GRM7: variants seen among roughly 807,000 people sequenced by gnomAD.
The protein encoded by GRM7 is metabotropic glutamate receptor 7.
In GRM7, 35 loss-of-function variants were observed where a neutral mutation model predicts 84.5. The ratio of observed to expected loss-of-function variants is 0.41; its 90% CI spans 0.32 to 0.55. GRM7 has a LOEUF of 0.55. Among genes scored for constraint, GRM7 ranks in the 20% least tolerant of loss-of-function variants. GRM7 has a pLI of 0.19. For synonymous variants in GRM7, 487 were observed against 455.1 expected, an observed-to-expected ratio of 1.07 and a Z score of -0.89; for missense variants, 1,003 against 1,194.6, an observed-to-expected ratio of 0.84 and a Z score of 2.36.
At chr3:7,101,565 A>T (rs1499170) in intron 1 of GRM7, among the ~76,000 whole-genome samples, 71,625 of 151,184 alleles carry the variant, frequency 0.47, 18,235 homozygotes, top group African/African-American at 0.68. Flanking sequence ...ATGTAATATA[A>T]TCACGGTTAG....
At chr3:6,989,294 G>A (rs1334696214) in intron 1 of GRM7, among the ~76,000 whole-genome samples, 3 of 152,030 alleles carry the variant, frequency 2.0e-5, no homozygotes, top group African/African-American at 7.2e-5. Context: ...ATGCTATTAG[G>A]AAAACACAGA....
chr3:7,430,095 G>T (rs1356714720), intron 5 of GRM7, among the ~76,000 whole-genome samples: 1 of 152,072 alleles, frequency 6.6e-6, no homozygotes, highest in African/African-American at 2.4e-5. Flanking sequence ...GGCCAGCATG[G>T]ATACTATAGA....
chr3:7,364,881 A>G (rs2125109595), intron 4 of GRM7, among the ~76,000 whole-genome samples: 1 of 151,950 alleles, frequency 6.6e-6, no homozygotes, highest in Non-Finnish European at 1.5e-5. Context: ...ATGATAATAA[A>G]TTTCCTTGCT....
chr3:6,941,490 G>A (rs1697892316), intron 1 of GRM7, among the ~76,000 whole-genome samples: 2 of 152,188 alleles, frequency 1.3e-5, no homozygotes, highest in African/African-American at 4.8e-5. Flanking sequence ...AAAGGTTTAT[G>A]AAGAGAAATT....
rs1173200169 is a variant in GRM7 at position 7,434,799 on chromosome 3, A to G, written c.1175-17808A>G. Among the ~76,000 whole-genome samples, 4 of 152,208 alleles carry G rather than the reference A, an allele frequency of 2.6e-5. No homozygotes were observed. The East Asian group carries it at 7.7e-4, about 29-fold the overall frequency. On this transcript the variant is annotated intron_variant, in intron 5 of 9. Transcript: ENST00000357716. The stretch of plus-strand genomic sequence containing the variant: ...GGCATTGGTATCAGATTAATGCTGG[A>G]CACAAAAAAATGAGTTAGAAAATGT...
intron 5 of GRM7, among the ~76,000 whole-genome samples, chr3:7,450,887 G>A (rs1222814007): frequency 6.6e-6 from 1 of 151,758 alleles, no homozygotes; most frequent in Non-Finnish European, 1.5e-5. Flanking sequence ...AGTAAATTTG[G>A]GAAATTCTGA....
chr3:7,027,030 G>A (rs375346792), intron 1 of GRM7, among the ~76,000 whole-genome samples: 5 of 152,166 alleles, frequency 3.3e-5, no homozygotes, highest in Non-Finnish European at 5.9e-5. Flanking sequence ...TCCCCATTGT[G>A]TTCTGCCTGT....
At chr3:6,910,667 CT>C (rs1696737162) in intron 1 of GRM7, among the ~76,000 whole-genome samples, 1 of 152,118 alleles carries the variant, frequency 6.6e-6, no homozygotes, top group African/African-American at 2.4e-5. Flanking sequence ...AAGAGAATTG[CT>C]TGAGGCCAGA....
chr3:7,330,069 C>G (rs984908250), intron 4 of GRM7, among the ~76,000 whole-genome samples: 1 of 151,866 alleles, frequency 6.6e-6, no homozygotes, highest in Non-Finnish European at 1.5e-5. Context: ...TTCATGTTAC[C>G]CAATCACAGA....
intron 8 of GRM7, among the ~76,000 whole-genome samples, chr3:7,673,820 GCAGAAGAAATCACATGTTTA>G (rs1700027531): frequency 6.6e-6 from 1 of 152,168 alleles, no homozygotes; most frequent in African/African-American, 2.4e-5. Context: ...AGTGTTTCTT[GCAGAAGAAATCACATGTTTA>G]CAAACATGAA....
chr3:7,251,822 C>G (rs1697997886), intron 2 of GRM7, among the ~76,000 whole-genome samples: 2 of 152,304 alleles, frequency 1.3e-5, no homozygotes, highest in South Asian at 4.1e-4. Flanking sequence ...GTATTTAAAT[C>G]TCTTGTGTGA....
chr3:7,176,859 G>C (rs10510350), intron 2 of GRM7, among the ~76,000 whole-genome samples: 58,852 of 152,084 alleles, frequency 0.39, 13,411 homozygotes, highest in African/African-American at 0.65. Context: ...TGTGACTTCA[G>C]GAATCAGCTT....
chr3:7,645,291 G>A (rs1008911492), intron 8 of GRM7, among the ~76,000 whole-genome samples: 1 of 152,080 alleles, frequency 6.6e-6, no homozygotes, highest in African/African-American at 2.4e-5. Flanking sequence ...GCTCACGCCT[G>A]TAATCCCAGC....
At chr3:7,475,366 TG>T (rs1237384618) in intron 7 of GRM7, among the ~76,000 whole-genome samples, 4 of 152,198 alleles carry the variant, frequency 2.6e-5, no homozygotes, top group Admixed American at 1.3e-4. Context: ...AACTGGCTTT[TG>T]GAAATTGCCC....
chr3:7,561,544 C>T (rs1205773021), intron 7 of GRM7: 8 of 456,442 alleles, frequency 1.8e-5, no homozygotes, highest in Non-Finnish European at 2.6e-5. Flanking sequence ...ATGGAAAGTC[C>T]TTCCAGGACA....
At chr3:7,670,178 A>T (rs1246638541) in intron 8 of GRM7, among the ~76,000 whole-genome samples, 2 of 152,182 alleles carry the variant, frequency 1.3e-5, no homozygotes, top group Non-Finnish European at 2.9e-5. Flanking sequence ...CACAGTGGTG[A>T]TCATGGAAAG....
intron 2 of GRM7, among the ~76,000 whole-genome samples, chr3:7,236,981 G>GA (rs1697369885): frequency 6.6e-6 from 1 of 151,988 alleles, no homozygotes; most frequent in African/African-American, 2.4e-5. Flanking sequence ...TGTGGTTATT[G>GA]AAAAAAGGAA....
intron 9 of GRM7, among the ~76,000 whole-genome samples, chr3:7,687,979 C>G (rs1375596087): frequency 6.6e-6 from 1 of 152,106 alleles, no homozygotes; most frequent in Non-Finnish European, 1.5e-5. Context: ...GAATATGTAA[C>G]TGTATTCCCG....
intron 8 of GRM7, among the ~76,000 whole-genome samples, chr3:7,634,479 CAAAAAAA>C (rs869045574): frequency 3.3e-5 from 1 of 30,334 alleles, no homozygotes. Flanking sequence ...ACTTTTTTTC[CAAAAAAA>C]AAAAAAAAAA....
Sources: gnomAD v4.1 joint callset for allele counts (sites outside exome capture counted in the v4.1 genomes callset) on GRCh38, gnomAD v4.1.1 for gene constraint, MANE v1.5 for transcripts, NCBI Gene and HGNC (gene_info 2026-07-23, HGNC 2026-07-21) for gene names.